Variants in DHRS7 observed in about 807,000 individuals in gnomAD.
The protein encoded by DHRS7 is dehydrogenase/reductase SDR family member 7.
A neutral mutation model predicts 38.9 loss-of-function variants in DHRS7; 34 were observed. The observed-to-expected ratio is 0.87, with a 90% CI of 0.66 to 1.16. The LOEUF is 1.16. Among genes scored for constraint, DHRS7 ranks in the 50% most tolerant of loss-of-function variants. The pLI, the probability that DHRS7 is intolerant of heterozygous loss-of-function variation, is 0.00. For synonymous variants in DHRS7, 158 were observed against 153.1 expected, an observed-to-expected ratio of 1.03 and a Z score of -0.24; for missense variants, 421 against 407.0, an observed-to-expected ratio of 1.03 and a Z score of -0.30.
At position 60,156,021 on chromosome 14, in the gene DHRS7, T is replaced by C; in HGVS notation, c.265A>G (p.Arg89Gly). 6 of 1,583,514 alleles carry C rather than the reference T, an allele frequency of 3.8e-6. No homozygotes were observed. Among genetic ancestry groups the C allele is most frequent in the Non-Finnish European group, 5.1e-6 (6 of 1,166,000 alleles). The change falls in exon 2 of 7, where the codon AGG becomes GGG. Residue 89 changes from arginine (R) to glycine (G), a missense_variant. Arg to Gly is a moderately radical substitution (Grantham distance 125). Transcript: ENST00000557185. ...TTACCTAGGCATCTTCTTTTCACCC[T>C]TTCCAGCTCATGCACTCTTCTGGCT... Reference protein sequence around the residue: ...LSARRVHELERVKRRCLENGN... With the variant: ...LSARRVHELEGVKRRCLENGN...
chr14:60,161,466 A>G lies in DHRS7; in HGVS notation c.133+3711T>C, dbSNP rs1896763413. Among the ~76,000 whole-genome samples the G allele has an allele frequency of 6.6e-6, 1 of 152,162 alleles. No individual in the cohort carries two copies. Among genetic ancestry groups the G allele is most frequent in the Admixed American group, 6.5e-5 (1 of 15,288 alleles). ...AATGAAACCTGTCTTCTAAATGACA[A>G]TCCCTCACAGCTGTTAGGGAAGACA... On this transcript the variant is annotated intron_variant, in intron 1 of 6. Coordinates refer to ENST00000557185, the MANE Select transcript of DHRS7 (RefSeq NM_016029.4). This position sits in a 1 kb window ranked among gnomAD's most constrained non-coding sequence, Gnocchi z 4.2.
intron 4 of DHRS7, 76 bp downstream of exon 4, chr14:60,152,863 C>G: frequency 1.3e-6 from 2 of 1,539,056 alleles, no homozygotes; most frequent in South Asian, 2.3e-5. Context: ...TTCCAAGGAC[C>G]TCACACAGTG....
At chr14:60,168,789 TC>T, upstream of DHRS7, 2 of 1,535,956 alleles carry the variant, frequency 1.3e-6, no homozygotes, top group Non-Finnish European at 1.8e-6. Flanking sequence ...TCATACTCCA[TC>T]CCATTGGCTT....
chr14:60,155,976 CGCT>C, intron 2 of DHRS7, 21 bp downstream of exon 2: 1 of 1,495,394 alleles, frequency 6.7e-7, no homozygotes, highest in Non-Finnish European at 8.9e-7. Flanking sequence ...TAGGAAGCAC[CGCT>C]GCTATTTCAG....
upstream of DHRS7, chr14:60,168,872 A>T: frequency 8.3e-7 from 1 of 1,199,122 alleles, no homozygotes; most frequent in South Asian, 1.9e-5. Context: ...AGAACTTGAC[A>T]TATTAGAACA....
chr14:60,165,434 A>T (rs1164866466), upstream of DHRS7: 1 of 1,406,282 alleles, frequency 7.1e-7, no homozygotes, highest in East Asian at 2.9e-5. This position sits in a 1 kb window ranked among gnomAD's most constrained non-coding sequence, Gnocchi z 4.6. Context: ...GGCTCCGCCC[A>T]GGGAGCAGGC....
chr14:60,153,307 T>G lies in DHRS7; in HGVS notation c.394-129A>C. Reference sequence around the variant, plus strand: ...TGGAACAATGGTATATTTCCAGAAGTCAGCAATTAAAAAGATAAAATAAAG... The same window carrying G: ...TGGAACAATGGTATATTTCCAGAAGGCAGCAATTAAAAAGATAAAATAAAG... On this transcript the variant is annotated intron_variant, in intron 3 of 6. Transcript: ENST00000557185. The surrounding 1 kb of genome is among the most constrained non-coding windows in gnomAD (Gnocchi z 4.4). 8.9e-7 allele frequency: 1 copy of G among 1,129,208 alleles called. No individual in the cohort carries two copies. The highest frequency in any genetic ancestry group is 1.2e-6 in the Non-Finnish European group (1 of 811,716). The allele number at this position is 1,129,208 out of a possible 1,614,324, so 69.9% of individuals were successfully genotyped here. A position where few individuals can be genotyped will look rare whatever the true frequency, so the allele number is the denominator to read the frequency against.
chr14:60,156,276 G>A, intron 1 of DHRS7, 124 bp from the exon 2 acceptor site: 1 of 650,748 alleles, frequency 1.5e-6, no homozygotes, highest in South Asian at 5.6e-5. Flanking sequence ...GATGTATAGA[G>A]TTAAAATTTG....
upstream of DHRS7, among the ~76,000 whole-genome samples, chr14:60,167,871 C>A (rs1166595730): frequency 6.6e-6 from 1 of 152,184 alleles, no homozygotes; most frequent in Non-Finnish European, 1.5e-5. Flanking sequence ...TGCTAACGAT[C>A]TGGGCACTAT....
intron 1 of DHRS7, among the ~76,000 whole-genome samples, chr14:60,158,310 C>T (rs1271373461): frequency 6.6e-6 from 1 of 151,640 alleles, no homozygotes; most frequent in Non-Finnish European, 1.5e-5. Context: ...CAATGCTTTC[C>T]TGTCATATAA....
chr14:60,154,142 C>T (rs1301168264), intron 2 of DHRS7, 77 bp from the exon 3 acceptor site: 2 of 1,106,772 alleles, frequency 1.8e-6, no homozygotes, highest in Non-Finnish European at 2.7e-6. Context: ...CTAACACCCA[C>T]CCTGCAACAG....
At chr14:60,168,794 T>C, upstream of DHRS7, 10 of 1,535,004 alleles carry the variant, frequency 6.5e-6, no homozygotes, top group Non-Finnish European at 8.8e-6. Context: ...CTCCATCCCA[T>C]TGGCTTGCAA....
intron 6 of DHRS7, chr14:60,147,705 C>T (rs940195213): frequency 1.3e-5 from 2 of 152,200 alleles, no homozygotes; most frequent in African/African-American, 4.8e-5. Flanking sequence ...CATCATTAAT[C>T]TCCATCTTAT....
chr14:60,151,405 C>T (rs1209898655), intron 4 of DHRS7, among the ~76,000 whole-genome samples: 6 of 152,144 alleles, frequency 3.9e-5, no homozygotes, highest in Admixed American at 2.0e-4. Context: ...AAACAGCTAA[C>T]CCACAGTACA....
In DHRS7 at chr14:60,146,712, T is replaced by G. The variant is rs567172814; in HGVS notation, c.973-1699A>C. On this transcript the variant is annotated intron_variant, in intron 6 of 6. Transcript: ENST00000557185. This position sits in a 1 kb window ranked among gnomAD's most constrained non-coding sequence, Gnocchi z 4.9. ...GTGTATATATATATATGGAATATTA[T>G]TCCACAATGGAATATTTTTCAGCCA... 1 of 152,174 alleles carries G rather than the reference T, an allele frequency of 6.6e-6. No individual in the cohort carries two copies. Among genetic ancestry groups the G allele is most frequent in the Admixed American group, 6.5e-5 (1 of 15,270 alleles). The allele number at this position is 152,174 out of a possible 1,614,324, so 9.4% of individuals were successfully genotyped here.
At chr14:60,149,620 T>G in intron 5 of DHRS7, 52 bp from the exon 6 acceptor site, 1 of 1,466,154 alleles carries the variant, frequency 6.8e-7, no homozygotes, top group Non-Finnish European at 9.3e-7. Flanking sequence ...TCACATAACT[T>G]TAAGCTAGAA....
chr14:60,149,671 A>AACC (rs1896494813), intron 5 of DHRS7, 103 bp from the exon 6 acceptor site: 2 of 821,908 alleles, frequency 2.4e-6, no homozygotes, highest in Admixed American at 5.6e-5. Flanking sequence ...CCTTTAGTGG[A>AACC]GCTTCATGCC....
chr14:60,146,333 C>T lies in DHRS7; in HGVS notation c.973-1320G>A, dbSNP rs1471059287. ...CTTCATATGGACATTTCTGGAAGTA[C>T]TACTACAGTGGGACTGAAATTCTCT... On this transcript the variant is annotated intron_variant, in intron 6 of 6. Transcript: ENST00000557185. The surrounding 1 kb of genome is among the most constrained non-coding windows in gnomAD (Gnocchi z 4.9). 2 of 151,988 alleles carry T rather than the reference C, an allele frequency of 1.3e-5. No homozygotes were observed. Among genetic ancestry groups the T allele is most frequent in the African/African-American group, 4.8e-5 (2 of 41,384 alleles). 9.4% of individuals were successfully genotyped at this position (151,988 alleles called of 1,614,324 possible).
chr14:60,149,998 A>C, intron 5 of DHRS7, 67 bp downstream of exon 5: 5 of 1,509,020 alleles, frequency 3.3e-6, no homozygotes, highest in Middle Eastern at 1.7e-4. Flanking sequence ...CAGTGATACA[A>C]CACCAATATA....
Sources: gnomAD v4.1 joint callset for allele counts (sites outside exome capture counted in the v4.1 genomes callset) on GRCh38, gnomAD v4.1.1 for gene constraint, Gnocchi (gnomAD v3.1) non-coding constraint, MANE v1.5 for transcripts, NCBI Gene and HGNC (gene_info 2026-07-23, HGNC 2026-07-21) for gene names.